CRACDL: variants seen among roughly 807,000 people sequenced by gnomAD.
CRACDL encodes the protein CRACD like.
A neutral mutation model predicts 70.6 loss-of-function variants in CRACDL; 26 were observed. The observed-to-expected ratio is 0.37, with a 90% CI of 0.27 to 0.51. The LOEUF (loss-of-function observed/expected upper bound fraction) is 0.51, where lower values mean the gene tolerates loss of function less well. Ranked by LOEUF, CRACDL falls within the 20% of genes least tolerant of loss-of-function variation. CRACDL has a pLI of 0.94. For missense variants in CRACDL, 1,283 were observed against 1,376.9 expected (o/e 0.93, Z 1.08); for synonymous variants, 618 against 615.2 (o/e 1.00, Z -0.07).
intron 1 of CRACDL, among the ~76,000 whole-genome samples, chr2:98,860,559 G>A (rs977165291): frequency 2.0e-5 from 3 of 152,170 alleles, no homozygotes; most frequent in African/African-American, 7.2e-5. Flanking sequence ...GCTGGAACAA[G>A]TAGACATCGA....
intron 1 of CRACDL, among the ~76,000 whole-genome samples, chr2:98,866,923 C>T (rs1707169354): frequency 6.6e-6 from 1 of 152,186 alleles, no homozygotes; most frequent in Non-Finnish European, 1.5e-5. Flanking sequence ...TTCCTATAAA[C>T]ATCATCTACC....
At chr2:98,934,512 G>A (rs1709161326) in intron 1 of CRACDL, among the ~76,000 whole-genome samples, 1 of 152,102 alleles carries the variant, frequency 6.6e-6, no homozygotes, top group Non-Finnish European at 1.5e-5. Context: ...ATCTTAACTA[G>A]CCTAAGAGGG....
chr2:98,826,671 C>A (rs1705315321), intron 6 of CRACDL, among the ~76,000 whole-genome samples: 1 of 152,130 alleles, frequency 6.6e-6, no homozygotes, highest in South Asian at 2.1e-4. Flanking sequence ...ATGTGCCAGG[C>A]CTGGAGCGTG....
chr2:98,869,245 C>T (rs535655430), intron 1 of CRACDL: 5 of 1,274,054 alleles, frequency 3.9e-6, no homozygotes, highest in Non-Finnish European at 4.1e-6. Context: ...TGATCAAGAG[C>T]CCTTGTCCCC....
intron 1 of CRACDL, among the ~76,000 whole-genome samples, chr2:98,890,485 A>C (rs1341815246): frequency 6.6e-6 from 1 of 152,242 alleles, no homozygotes; most frequent in Non-Finnish European, 1.5e-5. Flanking sequence ...ACAACCGAAG[A>C]GATTGAATTA....
At chr2:98,876,228 C>T (rs1443374967) in intron 1 of CRACDL, among the ~76,000 whole-genome samples, 1 of 152,106 alleles carries the variant, frequency 6.6e-6, no homozygotes, top group Non-Finnish European at 1.5e-5. Flanking sequence ...TATTTAGATT[C>T]CTTTACAGAT....
intron 1 of CRACDL, among the ~76,000 whole-genome samples, chr2:98,857,615 A>C (rs1706759597): frequency 6.6e-6 from 1 of 152,218 alleles, no homozygotes; most frequent in African/African-American, 2.4e-5. Flanking sequence ...TATACACTTA[A>C]AGGGAAGTAG....
At chr2:98,883,898 T>C (rs1288660735) in intron 1 of CRACDL, among the ~76,000 whole-genome samples, 1 of 152,240 alleles carries the variant, frequency 6.6e-6, no homozygotes, top group Non-Finnish European at 1.5e-5. Context: ...CTGTTATTTT[T>C]GGCATCTCTC....
chr2:98,908,076 A>G (rs1382727605), intron 1 of CRACDL, among the ~76,000 whole-genome samples: 1 of 152,226 alleles, frequency 6.6e-6, no homozygotes, highest in East Asian at 1.9e-4. Flanking sequence ...GCAGTTTTGA[A>G]GCTGGAATGG....
intron 7 of CRACDL, among the ~76,000 whole-genome samples, chr2:98,815,912 T>C (rs1187506154): frequency 6.6e-6 from 1 of 152,218 alleles, no homozygotes; most frequent in East Asian, 1.9e-4. Context: ...TTGCCTGGCA[T>C]AGGGATGAGA....
chr2:98,879,625 T>G (rs1205123125), intron 1 of CRACDL, among the ~76,000 whole-genome samples: 1 of 152,222 alleles, frequency 6.6e-6, no homozygotes, highest in East Asian at 1.9e-4. Flanking sequence ...CTCGGCTCAC[T>G]GCAACCTTTC....
chr2:98,868,260 A>AG (rs1446932342), intron 1 of CRACDL, among the ~76,000 whole-genome samples: 2 of 152,192 alleles, frequency 1.3e-5, no homozygotes, highest in African/African-American at 4.8e-5. Context: ...GCACCCTCCA[A>AG]GCCCTGCTGC....
chr2:98,903,303 C>G (rs116234180), intron 1 of CRACDL, among the ~76,000 whole-genome samples: 1 of 152,106 alleles, frequency 6.6e-6, no homozygotes, highest in Non-Finnish European at 1.5e-5. Flanking sequence ...ACACCGAGTG[C>G]GTTCACTGCT....
chr2:98,857,802 T>C (rs1206293482), intron 1 of CRACDL, among the ~76,000 whole-genome samples: 1 of 152,130 alleles, frequency 6.6e-6, no homozygotes, highest in Admixed American at 6.6e-5. Context: ...AACAACCCTA[T>C]AGAACAACTA....
chr2:98,908,484 G>A (rs1212169803), intron 1 of CRACDL: 1 of 152,234 alleles, frequency 6.6e-6, no homozygotes, highest in South Asian at 2.1e-4. Flanking sequence ...TGGCTCCACA[G>A]TTTCTCCCAT....
In CRACDL at chr2:98,797,530, A is replaced by G. The variant is rs1703880016; in HGVS notation, c.2424T>C (p.Ser808=). 1 of 1,613,180 alleles carries G rather than the reference A, an allele frequency of 6.2e-7. No homozygotes were observed. Residue 808 remains serine, a synonymous_variant, in exon 8 of 10, where the codon AGT becomes AGC. Coordinates refer to ENST00000397899, the MANE Select transcript of CRACDL (RefSeq NM_207362.3). ...KRPLRRGAEK[S]LPPAATGPGA... ...CAGGCCCTGTTGCTGCAGGCGGCAG[A>G]CTCTTTTCTGTTGGGTAAAGGCACA...
Position 98,838,303 on chromosome 2 carries a change from A to G in CRACDL, c.71-16T>C. 1 of 1,453,782 alleles carries G rather than the reference A, an allele frequency of 6.9e-7. No homozygotes were observed. The highest frequency in any genetic ancestry group is 2.4e-5 in the East Asian group (1 of 41,406). 90.1% of individuals were successfully genotyped at this position (1,453,782 alleles called of 1,614,324 possible). ...TTTTTCTTTCCTATACAGATTAGAG[A>G]AAAAAATAATAAATAAGACTGTTAC... On this transcript the variant is annotated splice_polypyrimidine_tract_variant and intron_variant, in intron 2 of 9. Coordinates refer to ENST00000397899, the MANE Select transcript of CRACDL (RefSeq NM_207362.3).
rs1404212916 is a variant in CRACDL at position 98,796,125 on chromosome 2, T to G, written c.2744A>C (p.Asn915Thr). 1 of 1,613,874 alleles carries G rather than the reference T, an allele frequency of 6.2e-7. No individual in the cohort carries two copies. Among genetic ancestry groups the G allele is most frequent in the Non-Finnish European group, 8.5e-7 (1 of 1,179,802 alleles). The change falls in exon 9 of 10, where the codon AAC (asparagine) becomes ACC (threonine). Residue 915 changes from asparagine to threonine, a missense_variant. Coordinates refer to ENST00000397899, the MANE Select transcript of CRACDL (RefSeq NM_207362.3). ...LQRGISLSHQ[N>T]LAQSAVMMEK... ...AATGTTTGCAGATTTCATACCCAAGTTCTGATGGGACAATGAGATTCCTCT... is the reference window on the plus strand; with the variant it reads ...AATGTTTGCAGATTTCATACCCAAGGTCTGATGGGACAATGAGATTCCTCT...
chr2:98,843,970 C>T (rs911537234), intron 2 of CRACDL, among the ~76,000 whole-genome samples: 5 of 152,150 alleles, frequency 3.3e-5, no homozygotes, highest in Admixed American at 6.5e-5. Context: ...CAAAAAAAAT[C>T]ATCCCAGGCA....
Sources: allele counts gnomAD v4.1 joint callset (sites outside exome capture counted in the v4.1 genomes callset), GRCh38; gene constraint gnomAD v4.1.1; transcripts MANE v1.5; gene names NCBI Gene and HGNC (gene_info 2026-07-23, HGNC 2026-07-21).